TMPRSS4: variants seen among roughly 807,000 people sequenced by gnomAD.
TMPRSS4 encodes the protein transmembrane protease serine 4.
Under a neutral mutation model 56.4 loss-of-function variants are expected in TMPRSS4, and 45 were observed. The observed-to-expected ratio is 0.80, with a 90% CI of 0.63 to 1.02. The LOEUF is 1.02. Ranked by LOEUF, TMPRSS4 falls within the 50% of genes least tolerant of loss-of-function variation. TMPRSS4 has a pLI of 0.00. For missense variants in TMPRSS4, 546 were observed against 556.7 expected (o/e 0.98, Z 0.19); for synonymous variants, 205 against 211.0 (o/e 0.97, Z 0.25).
downstream of TMPRSS4, among the ~76,000 whole-genome samples, chr11:118,125,096 A>C (rs1019786788): frequency 1.3e-5 from 2 of 152,200 alleles, no homozygotes; most frequent in Non-Finnish European, 2.9e-5. Context: ...CCTTCGTTGC[A>C]TGCACCACGG....
chr11:118,113,676 A>G (rs1947400776), intron 9 of TMPRSS4, among the ~76,000 whole-genome samples: 1 of 152,124 alleles, frequency 6.6e-6, no homozygotes, highest in Non-Finnish European at 1.5e-5. Flanking sequence ...CCCTATGTGG[A>G]GCCCCTCGAG....
intron 1 of TMPRSS4, among the ~76,000 whole-genome samples, chr11:118,092,281 C>A (rs1946025964): frequency 6.6e-6 from 1 of 152,204 alleles, no homozygotes; most frequent in African/African-American, 2.4e-5. Flanking sequence ...CACGCAGAGC[C>A]AGCTGTGTGG....
At position 118,094,751 on chromosome 11, in the gene TMPRSS4, C is replaced by G; in HGVS notation, c.4-65C>G. 3.4e-6 allele frequency: 5 copies of G among 1,485,350 alleles called. No individual in the cohort carries two copies. In the South Asian group the frequency reaches 5.9e-5, roughly 18 times the overall value. The allele number at this position is 1,485,350 out of a possible 1,614,324, so 92.0% of individuals were successfully genotyped here. A position where few individuals can be genotyped will look rare whatever the true frequency, so the allele number is the denominator to read the frequency against. ...AATGTAGACAAGACCCAAGAACCTC[C>G]CGTAGGCTGCTAGCCCCAGCCTGAG... On this transcript the variant is annotated intron_variant, in intron 1 of 12. Coordinates refer to ENST00000437212, the MANE Select transcript of TMPRSS4 (RefSeq NM_019894.4).
chr11:118,081,605 C>T (rs375084909), intron 1 of TMPRSS4, among the ~76,000 whole-genome samples: 8 of 152,348 alleles, frequency 5.3e-5, no homozygotes, highest in Middle Eastern at 3.4e-3. Context: ...TCCAGGCGTG[C>T]GCACCTGTCC....
At chr11:118,098,465 G>A (rs1329714396) in intron 2 of TMPRSS4, among the ~76,000 whole-genome samples, 2 of 152,360 alleles carry the variant, frequency 1.3e-5, no homozygotes, top group Admixed American at 6.5e-5. Flanking sequence ...ACAAGGACCA[G>A]GCTAGGGACT....
chr11:118,103,149 A>C lies in TMPRSS4; in HGVS notation c.206A>C (p.His69Pro). The part of the protein sequence containing the change: ...KYYFLCGQPL[H>P]FIPRKQLCDG... ...TACTTCCTCTGCGGGCAGCCTCTCC[A>C]CTTCATCCCGAGGAAGCAGCTGTGT... Residue 69 changes from histidine (H) to proline (P), a missense_variant, in exon 4 of 13, where the codon CAC becomes CCC. Physicochemically the swap from His to Pro is moderately conservative, Grantham distance 77. Transcript: ENST00000437212. 2 of 1,614,056 alleles carry C rather than the reference A, an allele frequency of 1.2e-6. No homozygotes were observed. Among genetic ancestry groups the C allele is most frequent in the Non-Finnish European group, 1.7e-6 (2 of 1,180,006 alleles).
At chr11:118,085,566 A>G (rs1188246867) in intron 1 of TMPRSS4, among the ~76,000 whole-genome samples, 1 of 152,214 alleles carries the variant, frequency 6.6e-6, no homozygotes, top group Non-Finnish European at 1.5e-5. Context: ...GAAAGATGGT[A>G]TAAACTCTGT....
intron 1 of TMPRSS4, among the ~76,000 whole-genome samples, chr11:118,078,394 GC>G (rs1944861979): frequency 6.6e-6 from 1 of 152,164 alleles, no homozygotes; most frequent in Admixed American, 6.5e-5. Context: ...ACCTGCAGGG[GC>G]CCCTCGAGTG....
rs193243219 is a variant in TMPRSS4, at chr11:118,100,812, C to G, written c.157+1714C>G. Among the ~76,000 whole-genome samples the G allele has an allele frequency of 1.4e-3, 219 of 152,316 alleles. 1 individual carries two copies. Among genetic ancestry groups the G allele is most frequent in the African/African-American group, 5.1e-3 (211 of 41,574 alleles). On this transcript the variant is annotated intron_variant, in intron 3 of 12. Coordinates refer to ENST00000437212, the MANE Select transcript of TMPRSS4 (RefSeq NM_019894.4). The stretch of plus-strand genomic sequence containing the variant: ...GCCAAGCAGGCACTAAAGCATAATT[C>G]AGAGCTGGACACTCCCTGTCCCAGA...
At position 118,115,473 on chromosome 11, in the gene TMPRSS4, A is replaced by G; in HGVS notation, c.1152+193A>G. The G allele has an allele frequency of 1.6e-6, 1 of 615,296 alleles. No homozygotes were observed. 38.1% of individuals were successfully genotyped at this position (615,296 alleles called of 1,614,324 possible). Reference sequence around the variant, plus strand: ...AGTGTACCAATAGATGAGTGGGTGGATGGATGGATGCAGACAAGCAGAGAG... The same window carrying G: ...AGTGTACCAATAGATGAGTGGGTGGGTGGATGGATGCAGACAAGCAGAGAG... On this transcript the variant is annotated intron_variant, in intron 11 of 12. Transcript: ENST00000437212.
chr11:118,116,318 A>C (rs934139013), intron 11 of TMPRSS4, among the ~76,000 whole-genome samples: 2 of 152,114 alleles, frequency 1.3e-5, no homozygotes, highest in Admixed American at 1.3e-4. Context: ...AAATTCCTTC[A>C]TTTAAGAGGC....
intron 1 of TMPRSS4, among the ~76,000 whole-genome samples, chr11:118,077,515 T>TGGACCA (rs1944750894): frequency 6.6e-6 from 1 of 152,200 alleles, no homozygotes; most frequent in South Asian, 2.1e-4. Flanking sequence ...CCATGGTCCT[T>TGGACCA]GGACCAGCTC....
chr11:118,082,278 C>T (rs1591335297), intron 1 of TMPRSS4, among the ~76,000 whole-genome samples: 2 of 152,178 alleles, frequency 1.3e-5, no homozygotes, highest in African/African-American at 2.4e-5. Context: ...AATTGAGGCT[C>T]AGCCGGGTGT....
intron 8 of TMPRSS4, 51 bp from the exon 9 acceptor site, chr11:118,113,216 CAA>C (rs748173410): frequency 7.9e-5 from 123 of 1,549,634 alleles, no homozygotes; most frequent in Non-Finnish European, 1.0e-4. Context: ...CAGCCTTTGG[CAA>C]AGTCTCCTCA....
Position 118,117,453 on chromosome 11 carries a change from A to G in TMPRSS4, c.1301A>G (p.Lys434Arg), listed in dbSNP as rs937333407. ...CTCAACTGGATCTACAATGTCTGGAAGGTAAGGTACCTTTGCCCTACCCAC... is the reference window on the plus strand; with the variant it reads ...CTCAACTGGATCTACAATGTCTGGAGGGTAAGGTACCTTTGCCCTACCCAC... Reference protein sequence around the residue: ...AYLNWIYNVWKAEL With the variant: ...AYLNWIYNVWRAEL The change falls in exon 12 of 13, where the codon AAG (lysine) becomes AGG (arginine). Residue 434 changes from lysine to arginine, a missense_variant and splice_region_variant. Lys to Arg is a conservative substitution (Grantham distance 26). Transcript: ENST00000437212. The G allele has an allele frequency of 6.2e-7, 1 of 1,612,456 alleles. No individual in the cohort carries two copies. Among genetic ancestry groups the G allele is most frequent in the Non-Finnish European group, 8.5e-7 (1 of 1,178,976 alleles).
intron 1 of TMPRSS4, among the ~76,000 whole-genome samples, chr11:118,092,795 G>A (rs982918145): frequency 2.0e-5 from 3 of 152,246 alleles, no homozygotes; most frequent in African/African-American, 7.2e-5. Flanking sequence ...GCAAGATGGA[G>A]TCGCTAAGTT....
At chr11:118,084,082 A>G (rs544367799) in intron 1 of TMPRSS4, among the ~76,000 whole-genome samples, 19 of 152,308 alleles carry the variant, frequency 1.2e-4, no homozygotes, top group African/African-American at 4.3e-4. Flanking sequence ...ACCGTGCACC[A>G]GGCAATGTAC....
In TMPRSS4 at chr11:118,094,707, G is replaced by A. The variant is rs143010581; in HGVS notation, c.4-109G>A. On this transcript the variant is annotated intron_variant, in intron 1 of 12. Coordinates refer to ENST00000437212, the MANE Select transcript of TMPRSS4 (RefSeq NM_019894.4). ...TTTGGATAACACAGAGACCCCCAACGTAGACTCAGGGAGAAGGGAATGTAG... is the reference window on the plus strand; with the variant it reads ...TTTGGATAACACAGAGACCCCCAACATAGACTCAGGGAGAAGGGAATGTAG... The A allele has an allele frequency of 1.3e-4, 125 of 958,338 alleles. No homozygotes were observed. In the Middle Eastern group the frequency reaches 3.5e-3, roughly 27 times the overall value. 59.4% of individuals were successfully genotyped at this position (958,338 alleles called of 1,614,324 possible). A position where few individuals can be genotyped will look rare whatever the true frequency, so the allele number is the denominator to read the frequency against.
At chr11:118,108,545 T>C (rs1260905938) in intron 6 of TMPRSS4, 2 of 381,202 alleles carry the variant, frequency 5.2e-6, no homozygotes, top group South Asian at 6.8e-5. Flanking sequence ...GCCCACAGTG[T>C]CACAGACTCT....
Sources: allele counts gnomAD v4.1 joint callset (sites outside exome capture counted in the v4.1 genomes callset), GRCh38; gene constraint gnomAD v4.1.1; transcripts MANE v1.5; gene names NCBI Gene and HGNC (gene_info 2026-07-23, HGNC 2026-07-21).